Variants in DSP observed in about 807,000 individuals in gnomAD.
The protein encoded by DSP is desmoplakin.
DSP carries 114 observed loss-of-function variants against 290.6 expected under a neutral mutation model. The observed-to-expected ratio is 0.39, with a 90% CI of 0.34 to 0.46. The LOEUF (loss-of-function observed/expected upper bound fraction) is 0.46, where lower values mean the gene tolerates loss of function less well. DSP is among the 20% of genes least tolerant of loss of function. The pLI is 0.99. For synonymous variants in DSP, 1,311 were observed against 1,316.4 expected (o/e 1.00, Z 0.09); for missense variants, 3,230 against 3,495.8 (o/e 0.92, Z 1.92).
Position 7,579,696 on chromosome 6 carries a change from A to G in DSP, c.3506A>G (p.Tyr1169Cys), listed in dbSNP as rs1348690338. The G allele has an allele frequency of 5.6e-6, 9 of 1,613,850 alleles. No homozygotes were observed. Among genetic ancestry groups the G allele is most frequent in the Non-Finnish European group, 7.6e-6 (9 of 1,179,864 alleles). ...GAGAAAGCCATCAAGGAGAAGGAGT[A>G]CGAGATTGAAAGGTTGAGGGTTCTA... ...ESEKAIKEKE[Y>C]EIERLRVLLQ... The change falls in exon 23 of 24, where the codon TAC (tyrosine) becomes TGC (cysteine). Residue 1169 changes from tyrosine (Y) to cysteine (C), a missense_variant. By Grantham distance (194) the Tyr-to-Cys change is radical. Coordinates refer to ENST00000379802, the MANE Select transcript of DSP (RefSeq NM_004415.4). The surrounding 1 kb of genome is among the most constrained non-coding windows in gnomAD (Gnocchi z 4.1).
In DSP at chr6:7,559,415, G is replaced by A. The variant is rs755599461; in HGVS notation, c.597+15G>A. The A allele has an allele frequency of 5.6e-6, 9 of 1,612,142 alleles. No homozygotes were observed. The highest frequency in any genetic ancestry group is 1.3e-5 in the African/African-American group (1 of 74,986). ...GGCAGCAAAGGGTAAGCAGCTTCTT[G>A]AACAGCCCAAACCTGTGCAGGCCAG... On this transcript the variant is annotated intron_variant, in intron 4 of 23. Transcript: ENST00000379802.
At chr6:7,553,934 C>CCAAAAAAG (rs1324412379) in intron 1 of DSP, among the ~76,000 whole-genome samples, 1 of 152,150 alleles carries the variant, frequency 6.6e-6, no homozygotes, top group Non-Finnish European at 1.5e-5. Context: ...AAATGGGTGG[C>CCAAAAAAG]CAAAAAAGAA....
At chr6:7,553,419 A>G (rs1301466412) in intron 1 of DSP, among the ~76,000 whole-genome samples, 1 of 152,206 alleles carries the variant, frequency 6.6e-6, no homozygotes, top group African/African-American at 2.4e-5. Context: ...CAAATTGCTG[A>G]ACAGAATTTC....
At position 7,582,478 on chromosome 6, in the gene DSP, G is replaced by A. The variant is rs896481230; in HGVS notation, c.5380-164G>A. 6.6e-6 allele frequency among the ~76,000 whole-genome samples: 1 copy of A among 151,124 alleles called. No individual in the cohort carries two copies. The highest frequency in any genetic ancestry group is 1.9e-4 in the East Asian group (1 of 5,176). The stretch of plus-strand genomic sequence containing the variant: ...TATACAGAATTTTTCCCACAAATTT[G>A]TAAAATAACAAGCTCACAGTGTATC... On this transcript the variant is annotated intron_variant, in intron 23 of 23. Coordinates refer to ENST00000379802, the MANE Select transcript of DSP (RefSeq NM_004415.4). This position sits in a 1 kb window ranked among gnomAD's most constrained non-coding sequence, Gnocchi z 4.2.
rs184156063 is a variant in DSP at position 7,556,370 on chromosome 6, A to G, written c.273+550A>G. Among the ~76,000 whole-genome samples the G allele has an allele frequency of 3.4e-3, 512 of 152,358 alleles. 5 individuals carry two copies. Among genetic ancestry groups the G allele is most frequent in the Admixed American group, 0.013 (193 of 15,304 alleles). ...GACATCCTAGGATCTCATCGAATCC[A>G]GATTAGAAATCATGGAGTTCGTGGT... On this transcript the variant is annotated intron_variant, in intron 2 of 23. Coordinates refer to ENST00000379802, the MANE Select transcript of DSP (RefSeq NM_004415.4).
intron 1 of DSP, 119 bp downstream of exon 1, chr6:7,542,204 C>A (rs1256603986): frequency 7.3e-7 from 1 of 1,364,232 alleles, no homozygotes. Context: ...TGCCCCAGGT[C>A]CCGAAAGAAC....
chr6:7,563,627 T>C (rs1758768871), intron 5 of DSP, 109 bp from the exon 6 acceptor site: 2 of 894,804 alleles, frequency 2.2e-6, no homozygotes, highest in Non-Finnish European at 3.8e-6. Flanking sequence ...TTTCTTTCTA[T>C]GGAGGGATCT....
intron 6 of DSP, 69 bp downstream of exon 6, chr6:7,563,855 T>G: frequency 7.0e-7 from 1 of 1,423,238 alleles, no homozygotes; most frequent in Non-Finnish European, 9.9e-7. Flanking sequence ...TCAAGAAATA[T>G]CAAGCACATC....
At chr6:7,577,149 C>A in intron 20 of DSP, 107 bp downstream of exon 20, 1 of 822,954 alleles carries the variant, frequency 1.2e-6, no homozygotes, top group Non-Finnish European at 1.9e-6. Context: ...ATAGCAATTA[C>A]GGTCTGTATA....
chr6:7,562,617 A>G (rs1409710588), intron 4 of DSP, 35 bp from the exon 5 acceptor site: 2 of 1,613,490 alleles, frequency 1.2e-6, no homozygotes, highest in Non-Finnish European at 1.7e-6. Flanking sequence ...AAGGGGCAAC[A>G]ACAAAGGGCG....
Position 7,554,330 on chromosome 6 carries a change from C to G in DSP, c.171-1388C>G, listed in dbSNP as rs986224440. On this transcript the variant is annotated intron_variant, in intron 1 of 23. Coordinates refer to ENST00000379802, the MANE Select transcript of DSP (RefSeq NM_004415.4). ...TATCTTGGTAAATTTAAAAGCCAGACTTTGGTTATACCTTGCTTGAAGAGC... is the reference window on the plus strand; with the variant it reads ...TATCTTGGTAAATTTAAAAGCCAGAGTTTGGTTATACCTTGCTTGAAGAGC... 3.3e-5 allele frequency among the ~76,000 whole-genome samples: 5 copies of G among 152,278 alleles called. No individual in the cohort carries two copies. The East Asian group carries it at 7.7e-4, about 23-fold the overall frequency.
intron 2 of DSP, among the ~76,000 whole-genome samples, chr6:7,556,861 G>A (rs905884574): frequency 7.2e-5 from 11 of 152,098 alleles, no homozygotes; most frequent in Admixed American, 5.9e-4. Flanking sequence ...GCAGTGGCCC[G>A]ATTCCTTTAC....
At chr6:7,543,070 G>A (rs1758059833) in intron 1 of DSP, among the ~76,000 whole-genome samples, 1 of 152,172 alleles carries the variant, frequency 6.6e-6, no homozygotes, top group Admixed American at 6.5e-5. Flanking sequence ...GGGTGGGTGG[G>A]GAAGAGATCC....
At chr6:7,562,602 G>A (rs1561683521) in intron 4 of DSP, 50 bp from the exon 5 acceptor site, 2 of 1,612,632 alleles carry the variant, frequency 1.2e-6, no homozygotes, top group African/African-American at 2.7e-5. Flanking sequence ...AGTGAAACAG[G>A]TGCAAAGGGG....
chr6:7,582,570 GTT>G lies in DSP; in HGVS notation c.5380-71_5380-70del, dbSNP rs1028479875. 49 of 1,330,686 alleles carry G rather than the reference GTT, an allele frequency of 3.7e-5. No homozygotes were observed. The African/African-American group carries it at 5.4e-4, about 15-fold the overall frequency. The allele number at this position is 1,330,686 out of a possible 1,614,324, so 82.4% of individuals were successfully genotyped here. A position where few individuals can be genotyped will look rare whatever the true frequency, so the allele number is the denominator to read the frequency against. ...TTTAAAGATAGATACACAAAAGAAAGTTAAGTCGTGATAGTAATATGATATGA... is the reference window on the plus strand; with the variant it reads ...TTTAAAGATAGATACACAAAAGAAAGAAGTCGTGATAGTAATATGATATGA... On this transcript the variant is annotated intron_variant, in intron 23 of 23. Coordinates refer to ENST00000379802, the MANE Select transcript of DSP (RefSeq NM_004415.4). The surrounding 1 kb of genome is among the most constrained non-coding windows in gnomAD (Gnocchi z 4.2).
intron 1 of DSP, among the ~76,000 whole-genome samples, chr6:7,551,886 T>C (rs947365785): frequency 1.3e-5 from 2 of 152,204 alleles, no homozygotes; most frequent in Non-Finnish European, 2.9e-5. Flanking sequence ...CTATCTTGTT[T>C]TGATGGACCG....
At chr6:7,578,256 G>A (rs1759309215) in intron 21 of DSP, among the ~76,000 whole-genome samples, 1 of 152,190 alleles carries the variant, frequency 6.6e-6, no homozygotes, top group African/African-American at 2.4e-5. Flanking sequence ...GATGGTTTAG[G>A]GGAAACAGCC....
chr6:7,568,617 A>T (rs768066307), intron 11 of DSP, 28 bp downstream of exon 11: 1 of 1,612,700 alleles, frequency 6.2e-7, no homozygotes, highest in Non-Finnish European at 8.5e-7. Context: ...ATGATACAAA[A>T]GTTTTCCCTG....
intron 21 of DSP, 111 bp from the exon 22 acceptor site, chr6:7,578,353 A>G (rs1759311717): frequency 1.1e-6 from 1 of 928,746 alleles, no homozygotes. Flanking sequence ...ACTAAAGAAG[A>G]GAATTCACTC....
Sources: allele counts gnomAD v4.1 joint callset (sites outside exome capture counted in the v4.1 genomes callset), GRCh38; gene constraint gnomAD v4.1.1; non-coding constraint Gnocchi (gnomAD v3.1); transcripts MANE v1.5; gene names NCBI Gene and HGNC (gene_info 2026-07-23, HGNC 2026-07-21).